RFC1: variants seen among roughly 807,000 people sequenced by gnomAD.
RFC1 encodes the protein A1 140 kDa subunit.
RFC1 carries 37 observed loss-of-function variants against 137.4 expected under a neutral mutation model. That is an observed-to-expected ratio of 0.27 (90% CI 0.21 to 0.35). The LOEUF (loss-of-function observed/expected upper bound fraction) is 0.35, where lower values mean the gene tolerates loss of function less well. Ranked by LOEUF, RFC1 falls within the 10% of genes least tolerant of loss-of-function variation. The probability of loss-of-function intolerance (pLI) is 1.00; values close to 1 mark genes in which losing one functional copy is unlikely to be tolerated. For missense variants in RFC1, 1,205 were observed against 1,358.5 expected (o/e 0.89, Z 1.78); for synonymous variants, 429 against 455.7 (o/e 0.94, Z 0.75).
intron 18 of RFC1, 23 bp downstream of exon 18, chr4:39,302,477 T>C (rs780212178): frequency 6.5e-7 from 1 of 1,527,564 alleles, no homozygotes; most frequent in Non-Finnish European, 9.1e-7. Context: ...CAACAACTGT[T>C]ACATGATATA....
chr4:39,332,801 T>C (rs981626099), intron 4 of RFC1, among the ~76,000 whole-genome samples: 1 of 152,172 alleles, frequency 6.6e-6, no homozygotes, highest in African/African-American at 2.4e-5. Context: ...CCAATCAACA[T>C]TTAGGTTACT....
intron 9 of RFC1, among the ~76,000 whole-genome samples, chr4:39,319,780 T>C (rs1467073199): frequency 2.0e-5 from 3 of 152,146 alleles, no homozygotes; most frequent in African/African-American, 7.2e-5. Flanking sequence ...GTTTTTTCTA[T>C]CTAATAACCA....
chr4:39,325,735 C>T (rs754192886), intron 6 of RFC1, among the ~76,000 whole-genome samples: 2 of 152,074 alleles, frequency 1.3e-5, no homozygotes, highest in Non-Finnish European at 2.9e-5. Flanking sequence ...TCAAAAAGAA[C>T]TTGCATGTTT....
intron 9 of RFC1, among the ~76,000 whole-genome samples, chr4:39,319,535 C>G (rs571389078): frequency 4.6e-5 from 7 of 152,170 alleles, no homozygotes; most frequent in African/African-American, 1.7e-4. Flanking sequence ...TATGGGCTTA[C>G]TTAGCTATAT....
intron 19 of RFC1, 120 bp downstream of exon 19, chr4:39,302,158 T>C: frequency 1.5e-6 from 1 of 656,260 alleles, no homozygotes; most frequent in Non-Finnish European, 2.7e-6. Flanking sequence ...CTTCCTACTA[T>C]ATATCCCTGG....
rs553455670 is a variant in RFC1, at chr4:39,323,158, C to A, written c.720+182G>T. ...TAAAAGGTTCTGGTTTGTTTTGATG[C>A]CGTCACCCTTCTTTTAAGAAGAATA... On this transcript the variant is annotated intron_variant, in intron 7 of 24. Coordinates refer to ENST00000349703, the MANE Select transcript of RFC1 (RefSeq NM_002913.5). 5 of 414,242 alleles carry A rather than the reference C, an allele frequency of 1.2e-5. No individual in the cohort carries two copies. In the Admixed American group the frequency reaches 2.0e-4, roughly 17 times the overall value. The allele number at this position is 414,242 out of a possible 1,614,324, so 25.7% of individuals were successfully genotyped here.
chr4:39,323,468 A>T, intron 6 of RFC1, 51 bp from the exon 7 acceptor site: 3 of 1,471,448 alleles, frequency 2.0e-6, no homozygotes, highest in Non-Finnish European at 2.8e-6. Context: ...TCTTTTCGTA[A>T]ATAGAATTTT....
chr4:39,362,885 C>T (rs1262399490), intron 1 of RFC1, among the ~76,000 whole-genome samples: 1 of 152,202 alleles, frequency 6.6e-6, no homozygotes, highest in Non-Finnish European at 1.5e-5. Flanking sequence ...GCCTTAGAGG[C>T]CAAGTTCAGG....
chr4:39,323,874 C>T (rs1739638389), intron 6 of RFC1, among the ~76,000 whole-genome samples: 1 of 152,046 alleles, frequency 6.6e-6, no homozygotes, highest in Non-Finnish European at 1.5e-5. Context: ...ATATAGTAAG[C>T]TATATACAAA....
chr4:39,356,172 G>A (rs968111313), intron 1 of RFC1, among the ~76,000 whole-genome samples: 15 of 152,062 alleles, frequency 9.9e-5, no homozygotes, highest in African/African-American at 3.4e-4. Flanking sequence ...AGGCCGAGGC[G>A]GGTGGATTAC....
At chr4:39,340,416 T>C (rs1740556590) in intron 4 of RFC1, among the ~76,000 whole-genome samples, 1 of 152,168 alleles carries the variant, frequency 6.6e-6, no homozygotes, top group Non-Finnish European at 1.5e-5. Context: ...TGGGAACACT[T>C]ATTCTGTTTT....
chr4:39,341,587 G>A, intron 4 of RFC1: 1 of 455,338 alleles, frequency 2.2e-6, no homozygotes, highest in Non-Finnish European at 4.4e-6. Context: ...TTTTCCTTTG[G>A]ACTGCTACTC....
intron 6 of RFC1, among the ~76,000 whole-genome samples, chr4:39,324,986 T>C (rs1016758302): frequency 1.3e-5 from 2 of 152,180 alleles, no homozygotes; most frequent in South Asian, 2.1e-4. Flanking sequence ...CTGTAAGATA[T>C]CAACCTCTCC....
At chr4:39,293,796 TACCCTAGGGCAGAGCA>T (rs1737823087) in intron 22 of RFC1, among the ~76,000 whole-genome samples, 1 of 152,142 alleles carries the variant, frequency 6.6e-6, no homozygotes, top group Non-Finnish European at 1.5e-5. Flanking sequence ...CTGAGAGGGC[TACCCTAGGGCAGAGCA>T]ACCCATGACC....
chr4:39,295,746 C>G lies in RFC1; in HGVS notation c.2822G>C (p.Ser941Thr). 1 of 1,610,544 alleles carries G rather than the reference C, an allele frequency of 6.2e-7. No homozygotes were observed. Among genetic ancestry groups the G allele is most frequent in the Non-Finnish European group, 8.5e-7 (1 of 1,178,856 alleles). ...CCTCATCAACTCTCCAGGAAGAACA[C>G]TGGCATAAATGGCCTGAAAAAAAAT... is the stretch of plus-strand genomic sequence containing the variant. Reference protein sequence around the residue: ...SLLPAQAIYASVLPGELMRGY... With the variant: ...SLLPAQAIYATVLPGELMRGY... The change falls in exon 22 of 25, where the codon AGT (serine) becomes ACT (threonine). Residue 941 changes from serine (S) to threonine (T), a missense_variant. Ser to Thr is a moderately conservative substitution (Grantham distance 58). Around this residue, in one of 3 missense-constraint regions of RFC1, gnomAD observed 237 missense variants for 304.2 expected, o/e 0.78. Transcript: ENST00000349703.
chr4:39,320,325 AGC>A, intron 9 of RFC1, 56 bp downstream of exon 9: 1 of 1,413,842 alleles, frequency 7.1e-7, no homozygotes. Context: ...CTCCAACCTC[AGC>A]AACAAGAGCA....
At chr4:39,303,700 C>T (rs188665815) in intron 15 of RFC1, among the ~76,000 whole-genome samples, 113 of 152,286 alleles carry the variant, frequency 7.4e-4, no homozygotes, top group African/African-American at 2.5e-3. Flanking sequence ...GTGATCTGTC[C>T]GCCTCAGCCT....
chr4:39,302,401 C>A, intron 18 of RFC1, 25 bp from the exon 19 acceptor site: 3 of 1,580,422 alleles, frequency 1.9e-6, no homozygotes, highest in Non-Finnish European at 1.7e-6. Context: ...AATAAGACAA[C>A]GTCAAGATAG....
At chr4:39,325,846 C>T (rs887078046) in intron 6 of RFC1, among the ~76,000 whole-genome samples, 1 of 152,246 alleles carries the variant, frequency 6.6e-6, no homozygotes, top group Non-Finnish European at 1.5e-5. Context: ...TGCTTTTGAT[C>T]TTGCCCCCAC....
Sources: allele counts gnomAD v4.1 joint callset (sites outside exome capture counted in the v4.1 genomes callset), GRCh38; gene constraint gnomAD v4.1.1; regional missense constraint gnomAD v4.1.1; transcripts MANE v1.5; gene names NCBI Gene and HGNC (gene_info 2026-07-23, HGNC 2026-07-21).